The following ATAD2B variants were observed in gnomAD, a reference collection of about 807,000 sequenced individuals.
The protein encoded by ATAD2B is ATPase family AAA domain-containing protein 2B.
A neutral mutation model predicts 167.6 loss-of-function variants in ATAD2B; 40 were observed. The ratio of observed to expected loss-of-function variants is 0.24; its 90% confidence interval spans 0.19 to 0.31. ATAD2B has a LOEUF of 0.31. Among genes scored for constraint, ATAD2B ranks in the 10% least tolerant of loss-of-function variants. ATAD2B has a pLI of 1.00. For missense variants in ATAD2B, 1,242 were observed against 1,757.2 expected (o/e 0.71, Z 5.24); for synonymous variants, 579 against 596.5 (o/e 0.97, Z 0.43).
chr2:23,901,889 CAAAA>C (rs891478628), intron 1 of ATAD2B, among the ~76,000 whole-genome samples: 30 of 143,170 alleles, frequency 2.1e-4, no homozygotes, highest in Non-Finnish European at 4.3e-4. Context: ...GAACTGAAGA[CAAAA>C]AAAAAAGTAG....
At chr2:23,839,283 G>T (rs985321348) in intron 13 of ATAD2B, among the ~76,000 whole-genome samples, 1 of 151,988 alleles carries the variant, frequency 6.6e-6, no homozygotes, top group Admixed American at 6.5e-5. Context: ...AACAGTATTG[G>T]TCAGAAGTGT....
Position 23,762,335 on chromosome 2 carries a change from T to G in ATAD2B, c.3268A>C (p.Thr1090Pro). Residue 1090 changes from threonine (T) to proline (P), a missense_variant, in exon 24 of 28, where the codon ACA becomes CCA. Thr to Pro is a conservative substitution (Grantham distance 38, BLOSUM62 -1). This residue lies in a region of ATAD2B where 204 missense variants were observed against 324.0 expected (regional missense o/e 0.63). Coordinates refer to ENST00000238789, the MANE Select transcript of ATAD2B (RefSeq NM_017552.4). Reference protein sequence around the residue: ...EARIKRGLSVTSEQINPHSTG... With the variant: ...EARIKRGLSVPSEQINPHSTG... ...CTATGAGGATTTATTTGTTCTGATGTTACTGATAAGCCTGCAAGCAGAAGA... is the reference window on the plus strand; with the variant it reads ...CTATGAGGATTTATTTGTTCTGATGGTACTGATAAGCCTGCAAGCAGAAGA... 1 of 1,612,202 alleles carries G rather than the reference T, an allele frequency of 6.2e-7. No homozygotes were observed. Among genetic ancestry groups the G allele is most frequent in the South Asian group, 1.1e-5 (1 of 90,756 alleles).
the ATAD2B span, among the ~76,000 whole-genome samples, chr2:23,731,913 G>T: frequency 6.6e-6 from 1 of 150,690 alleles, no homozygotes; most frequent in African/African-American, 2.4e-5. Context: ...GAAGTTTGAG[G>T]TTACAGTGAG....
At chr2:23,812,737 C>A (rs1326551899) in intron 17 of ATAD2B, among the ~76,000 whole-genome samples, 2 of 151,494 alleles carry the variant, frequency 1.3e-5, no homozygotes, top group Non-Finnish European at 2.9e-5. Context: ...GTGGCACGTG[C>A]CTGTAGTCCC....
At chr2:23,723,217 C>T in the ATAD2B span, among the ~76,000 whole-genome samples, 1 of 152,042 alleles carries the variant, frequency 6.6e-6, no homozygotes. Context: ...CACCTGAGGC[C>T]AGGAAGTCGA....
intron 18 of ATAD2B, among the ~76,000 whole-genome samples, chr2:23,807,917 TATAA>T (rs1252002773): frequency 8.4e-5 from 11 of 131,524 alleles, no homozygotes; most frequent in East Asian, 6.1e-4. Context: ...AATATAAATA[TATAA>T]ATATATTTAT....
At chr2:23,847,347 T>C (rs1210942267) in intron 13 of ATAD2B, among the ~76,000 whole-genome samples, 5 of 151,060 alleles carry the variant, frequency 3.3e-5, no homozygotes, top group Non-Finnish European at 7.4e-5. Flanking sequence ...CTACTAAAAA[T>C]GAAAAAATTA....
At chr2:23,784,034 A>G (rs577271836) in intron 21 of ATAD2B, among the ~76,000 whole-genome samples, 1 of 152,208 alleles carries the variant, frequency 6.6e-6, no homozygotes, top group African/African-American at 2.4e-5. Flanking sequence ...TTCACCTTTT[A>G]GGAACTGAAA....
chr2:23,735,045 A>G, the ATAD2B span, among the ~76,000 whole-genome samples: 1 of 152,210 alleles, frequency 6.6e-6, no homozygotes, highest in South Asian at 2.1e-4. Flanking sequence ...TGCCAAATTA[A>G]TATTTCTAAA....
intron 19 of ATAD2B, among the ~76,000 whole-genome samples, chr2:23,796,881 T>C (rs1320164662): frequency 6.6e-6 from 1 of 152,204 alleles, no homozygotes; most frequent in Non-Finnish European, 1.5e-5. Flanking sequence ...CAAGTATTTA[T>C]CTAAGATCAA....
Position 23,895,835 on chromosome 2 carries a change from A to T in ATAD2B, c.352T>A (p.Ser118Thr). The T allele has an allele frequency of 6.2e-7, 1 of 1,610,600 alleles. No individual in the cohort carries two copies. Among genetic ancestry groups the T allele is most frequent in the Non-Finnish European group, 8.5e-7 (1 of 1,178,012 alleles). ...STGQREEWNL[S>T]TGQARLTSQP... ...CTTTCTCACCTGGCCTGTCCAGTTG[A>T]TAAGTTCCATTCCTCTCGCTGACCA... is the stretch of plus-strand genomic sequence containing the variant. Residue 118 changes from serine to threonine, a missense_variant, in exon 2 of 28, where the codon TCA becomes ACA. Physicochemically the swap from Ser to Thr is moderately conservative, Grantham distance 58. Coordinates refer to ENST00000238789, the MANE Select transcript of ATAD2B (RefSeq NM_017552.4).
chr2:23,701,921 C>T, the ATAD2B span, among the ~76,000 whole-genome samples: 15 of 151,340 alleles, frequency 9.9e-5, no homozygotes, highest in Admixed American at 2.6e-4. Flanking sequence ...CTGCCTCAGC[C>T]GGGTAGCTGG....
intron 7 of ATAD2B, among the ~76,000 whole-genome samples, chr2:23,879,482 C>A (rs1697532263): frequency 6.6e-6 from 1 of 152,040 alleles, no homozygotes; most frequent in South Asian, 2.1e-4. Context: ...GGTTGTACAC[C>A]TGTAGTTCTA....
At chr2:23,689,908 C>T in the ATAD2B span, 1 of 152,342 alleles carries the variant, frequency 6.6e-6, no homozygotes, top group Non-Finnish European at 1.5e-5. Context: ...TGTGAATTCA[C>T]TTTAGAAGTC....
At chr2:23,769,515 C>A (rs892616678) in intron 22 of ATAD2B, among the ~76,000 whole-genome samples, 2 of 151,938 alleles carry the variant, frequency 1.3e-5, no homozygotes, top group Non-Finnish European at 2.9e-5. Context: ...TCAAAGCACA[C>A]ATATGGAGGG....
chr2:23,882,766 C>A (rs1248255559), intron 6 of ATAD2B, among the ~76,000 whole-genome samples: 1 of 151,406 alleles, frequency 6.6e-6, no homozygotes, highest in Non-Finnish European at 1.5e-5. Context: ...GCCGAGACTG[C>A]ACCACTGCAC....
At chr2:23,693,357 C>G in the ATAD2B span, 2 of 1,551,720 alleles carry the variant, frequency 1.3e-6, no homozygotes, top group Non-Finnish European at 1.7e-6. Flanking sequence ...TGGCCAAGGC[C>G]TTCGCGCTGC....
At chr2:23,848,508 C>T (rs1482690964) in intron 13 of ATAD2B, among the ~76,000 whole-genome samples, 1 of 152,074 alleles carries the variant, frequency 6.6e-6, no homozygotes, top group Non-Finnish European at 1.5e-5. Flanking sequence ...GACAATAGCA[C>T]AAACCTCAGG....
the ATAD2B span, among the ~76,000 whole-genome samples, chr2:23,738,093 G>A: frequency 6.6e-6 from 1 of 152,160 alleles, no homozygotes; most frequent in African/African-American, 2.4e-5. Context: ...TGAAAGTGAC[G>A]GGGAGAATGG....
Sources: allele counts gnomAD v4.1 joint callset (sites outside exome capture counted in the v4.1 genomes callset), GRCh38; gene constraint gnomAD v4.1.1; regional missense constraint gnomAD v4.1.1; transcripts MANE v1.5; gene names NCBI Gene and HGNC (gene_info 2026-07-23, HGNC 2026-07-21).